Variants in KCTD14 observed in about 807,000 individuals in gnomAD.
KCTD14 encodes BTB/POZ domain-containing protein KCTD14.
KCTD14 carries 7 observed loss-of-function variants against 5.9 expected under a neutral mutation model. The observed-to-expected ratio is 1.19, with a 90% CI of 0.68 to 2.23. The LOEUF is 2.23. Among genes scored for constraint, KCTD14 ranks in the 30% most tolerant of loss-of-function variants. KCTD14 has a pLI of 0.00. For missense variants in KCTD14, 342 were observed against 332.2 expected, an observed-to-expected ratio of 1.03 and a Z score of -0.23; for synonymous variants, 140 against 133.1, an observed-to-expected ratio of 1.05 and a Z score of -0.36.
chr11:78,042,614 C>G (rs553230382), intron 1 of KCTD14, among the ~76,000 whole-genome samples: 2 of 152,202 alleles, frequency 1.3e-5, no homozygotes, highest in Non-Finnish European at 2.9e-5. Flanking sequence ...GCATGGCCAC[C>G]TTCGTGTTGA....
At position 78,022,941 on chromosome 11, in the gene KCTD14, C is replaced by T. The variant is rs1482905848; in HGVS notation, c.90+219G>A. The T allele has an allele frequency of 7.3e-6, 4 of 548,028 alleles. No homozygotes were observed. In the East Asian group the frequency reaches 1.3e-4, roughly 18 times the overall value. The allele number at this position is 548,028 out of a possible 1,614,324, so 33.9% of individuals were successfully genotyped here. On this transcript the variant is annotated intron_variant, in intron 1 of 1. Coordinates refer to ENST00000353172, the MANE Select transcript of KCTD14 (RefSeq NM_023930.4). The stretch of plus-strand genomic sequence containing the variant: ...GAGGAAAGGCTGGACAGAGCCAAAC[C>T]AGAAAGGGACACCGAGGCGCGAAAG...
intron 1 of KCTD14, among the ~76,000 whole-genome samples, chr11:78,039,282 C>G (rs1025378512): frequency 1.3e-5 from 2 of 151,580 alleles, no homozygotes; most frequent in South Asian, 4.2e-4. Context: ...TTTGAGAGGC[C>G]GAGGCAGGCA....
chr11:78,029,777 T>C (rs1857564154), intron 2 of KCTD14, among the ~76,000 whole-genome samples: 1 of 86,048 alleles, frequency 1.2e-5, no homozygotes, highest in Non-Finnish European at 2.5e-5. Flanking sequence ...AGACAAGACT[T>C]TTTTTTTTTC....
chr11:78,038,888 G>T, intron 1 of KCTD14: 1 of 1,096,552 alleles, frequency 9.1e-7, no homozygotes. Flanking sequence ...CTGCTGCTGT[G>T]GTCACGGTCA....
chr11:78,031,387 T>C (rs1018423389), intron 2 of KCTD14, among the ~76,000 whole-genome samples: 7 of 152,014 alleles, frequency 4.6e-5, no homozygotes, highest in African/African-American at 1.7e-4. Context: ...AAATTTATTT[T>C]ATTTTTTTTG....
At chr11:78,044,715 C>A (rs751042815) in intron 1 of KCTD14, among the ~76,000 whole-genome samples, 1 of 152,070 alleles carries the variant, frequency 6.6e-6, no homozygotes, top group Non-Finnish European at 1.5e-5. Context: ...GTGACCAAGG[C>A]AAGTTTTAGA....
At chr11:78,033,901 G>GTGTGTATATATATATATATATATATATA in intron 2 of KCTD14, among the ~76,000 whole-genome samples, 146 of 115,468 alleles carry the variant, frequency 1.3e-3, no homozygotes, top group African/African-American at 3.2e-3. Context: ...GTGTGTGTGT[G>GTGTGTATATATATATATATATATATATA]TATATATATA....
intron 2 of KCTD14, among the ~76,000 whole-genome samples, chr11:78,033,494 C>A (rs888294238): frequency 6.6e-6 from 1 of 151,856 alleles, no homozygotes; most frequent in Admixed American, 6.6e-5. Flanking sequence ...CCAGCCTGGC[C>A]AACATGGTGA....
upstream of KCTD14, among the ~76,000 whole-genome samples, chr11:78,028,225 C>T (rs1446822269): frequency 1.3e-5 from 2 of 152,122 alleles, no homozygotes; most frequent in Non-Finnish European, 2.9e-5. Flanking sequence ...AATAGAGGGA[C>T]ATCCTATAAT....
intron 1 of KCTD14, among the ~76,000 whole-genome samples, chr11:78,043,983 A>G (rs1199828728): frequency 2.0e-5 from 3 of 152,188 alleles, no homozygotes; most frequent in Non-Finnish European, 4.4e-5. Flanking sequence ...CCTAAAGTGA[A>G]GCTGGACCAC....
chr11:78,045,803 G>A (rs937451022), intron 1 of KCTD14, among the ~76,000 whole-genome samples: 1 of 152,070 alleles, frequency 6.6e-6, no homozygotes, highest in African/African-American at 2.4e-5. Context: ...TTTTCATAAC[G>A]CCCGTCAAAG....
rs1326212240 is a variant in KCTD14 at position 78,015,723 on chromosome 11, A to C, written c.*870T>G. 6.6e-6 allele frequency: 1 copy of C among 152,328 alleles called. No homozygotes were observed. Among genetic ancestry groups the C allele is most frequent in the East Asian group, 1.9e-4 (1 of 5,202 alleles). 9.4% of individuals were successfully genotyped at this position (152,328 alleles called of 1,614,324 possible). A position where few individuals can be genotyped will look rare whatever the true frequency, so the allele number is the denominator to read the frequency against. On this transcript the variant is annotated 3_prime_UTR_variant, in exon 2 of 2. Coordinates refer to ENST00000353172, the MANE Select transcript of KCTD14 (RefSeq NM_023930.4). Reference sequence around the variant, plus strand: ...AGAACCAAAACTGAGACTCTCGTGCAAGTGGTTTATTGATGGAGTGCTCTT... The same window carrying C: ...AGAACCAAAACTGAGACTCTCGTGCCAGTGGTTTATTGATGGAGTGCTCTT...
chr11:78,028,248 T>A (rs541088804), upstream of KCTD14, among the ~76,000 whole-genome samples: 4 of 152,238 alleles, frequency 2.6e-5, no homozygotes, highest in South Asian at 8.3e-4. Flanking sequence ...AACTGACCAG[T>A]ACTCCTCAAA....
intron 1 of KCTD14, among the ~76,000 whole-genome samples, chr11:78,044,594 G>A (rs1053004169): frequency 3.3e-5 from 5 of 152,126 alleles, no homozygotes; most frequent in African/African-American, 7.2e-5. Flanking sequence ...CACAGGAGAC[G>A]GAGTTATTTC....
At chr11:78,034,694 C>G (rs1433609041) in intron 2 of KCTD14, among the ~76,000 whole-genome samples, 1 of 151,940 alleles carries the variant, frequency 6.6e-6, no homozygotes, top group East Asian at 1.9e-4. Context: ...ACGGACAGCC[C>G]ACGTGTTTTC....
At chr11:78,038,756 C>G in exon 2 of KCTD14, 1 of 1,535,700 alleles carries the variant, frequency 6.5e-7, no homozygotes, top group Non-Finnish European at 8.7e-7. Context: ...CCAATGTCAC[C>G]CCCTGAAACA....
intron 2 of KCTD14, among the ~76,000 whole-genome samples, chr11:78,035,108 C>A (rs1050730068): frequency 1.4e-4 from 21 of 152,132 alleles, no homozygotes; most frequent in African/African-American, 4.8e-4. Context: ...TTGACTTACG[C>A]CACTTTACAA....
chr11:78,038,532 C>A, intron 2 of KCTD14: 1 of 1,042,322 alleles, frequency 9.6e-7, no homozygotes, highest in Non-Finnish European at 1.4e-6. Context: ...AACCGCACCC[C>A]ATCTGGCTCC....
At chr11:78,026,487 G>T (rs1426257518), upstream of KCTD14, among the ~76,000 whole-genome samples, 4 of 152,024 alleles carry the variant, frequency 2.6e-5, no homozygotes, top group Non-Finnish European at 5.9e-5. Context: ...AATTGGCTAG[G>T]CATCAGTGGC....
Sources: gnomAD v4.1 joint callset for allele counts (sites outside exome capture counted in the v4.1 genomes callset) on GRCh38, gnomAD v4.1.1 for gene constraint, MANE v1.5 for transcripts, NCBI Gene and HGNC (gene_info 2026-07-23, HGNC 2026-07-21) for gene names.